PTPRD: variants seen among roughly 807,000 people sequenced by gnomAD.
PTPRD encodes protein tyrosine phosphatase receptor type D, also known as receptor-type tyrosine-protein phosphatase delta.
PTPRD carries 34 observed loss-of-function variants against 214.5 expected under a neutral mutation model. That is an observed-to-expected ratio of 0.16 (90% CI 0.12 to 0.21). The LOEUF (loss-of-function observed/expected upper bound fraction) is 0.21, where lower values mean the gene tolerates loss of function less well. PTPRD is among the 10% of genes least tolerant of loss of function. PTPRD has a pLI of 1.00. For synonymous variants in PTPRD, 1,128 were observed against 845.7 expected, an observed-to-expected ratio of 1.33 and a Z score of -5.79; for missense variants, 2,545 against 2,398.7, an observed-to-expected ratio of 1.06 and a Z score of -1.27.
chr9:9,849,213 G>A (rs1209979693), intron 5 of PTPRD, among the ~76,000 whole-genome samples: 3 of 151,992 alleles, frequency 2.0e-5, no homozygotes, highest in East Asian at 1.9e-4. Flanking sequence ...ATGAATTCCA[G>A]CAGATCCCAA....
At chr9:10,468,197 C>T (rs1007995111) in intron 2 of PTPRD, among the ~76,000 whole-genome samples, 3 of 152,270 alleles carry the variant, frequency 2.0e-5, no homozygotes, top group African/African-American at 7.2e-5. Context: ...AAGACACATG[C>T]ACATATATGT....
At chr9:8,322,587 A>G (rs751776893) in intron 44 of PTPRD, among the ~76,000 whole-genome samples, 1 of 152,196 alleles carries the variant, frequency 6.6e-6, no homozygotes, top group Non-Finnish European at 1.5e-5. Context: ...GAAAAGTTTG[A>G]AGTTAGCACA....
chr9:9,561,450 C>A (rs959751811), intron 8 of PTPRD, among the ~76,000 whole-genome samples: 1 of 152,182 alleles, frequency 6.6e-6, no homozygotes, highest in Non-Finnish European at 1.5e-5. Flanking sequence ...TAAATCCATT[C>A]AAATATTTTA....
At chr9:9,144,933 C>A (rs2154483821) in intron 10 of PTPRD, among the ~76,000 whole-genome samples, 1 of 152,228 alleles carries the variant, frequency 6.6e-6, no homozygotes, top group Middle Eastern at 3.4e-3. Context: ...AACTGCATCA[C>A]CTCACCACTT....
At chr9:8,857,296 C>G (rs909888085) in intron 11 of PTPRD, among the ~76,000 whole-genome samples, 2 of 152,172 alleles carry the variant, frequency 1.3e-5, no homozygotes, top group Non-Finnish European at 2.9e-5. Flanking sequence ...GTGGATTGCC[C>G]CACCGCTCCA....
chr9:8,492,694 C>A (rs1396011304), intron 27 of PTPRD, among the ~76,000 whole-genome samples, 168 bp downstream of exon 27: 8 of 136,842 alleles, frequency 5.8e-5, no homozygotes, highest in Non-Finnish European at 9.3e-5. Flanking sequence ...CTATTTTTTT[C>A]CCTGATCTAT....
chr9:9,665,414 A>T (rs780089677), intron 7 of PTPRD, among the ~76,000 whole-genome samples: 10 of 151,838 alleles, frequency 6.6e-5, no homozygotes, highest in Non-Finnish European at 1.5e-4. Flanking sequence ...TTAATATCAA[A>T]ACTTATAAAT....
At chr9:10,431,901 A>G (rs1035834731) in intron 2 of PTPRD, among the ~76,000 whole-genome samples, 1 of 152,112 alleles carries the variant, frequency 6.6e-6, no homozygotes, top group Non-Finnish European at 1.5e-5. Context: ...ATCTAGAGCT[A>G]GAAATACCAT....
intron 9 of PTPRD, among the ~76,000 whole-genome samples, chr9:9,367,024 C>A (rs562119350): frequency 2.0e-5 from 3 of 150,734 alleles, no homozygotes; most frequent in Non-Finnish European, 3.0e-5. Context: ...TATTGTAATA[C>A]ATTGAAAAAT....
chr9:10,319,024 C>T (rs1190988739), intron 3 of PTPRD, among the ~76,000 whole-genome samples: 1 of 152,042 alleles, frequency 6.6e-6, no homozygotes, highest in African/African-American at 2.4e-5. Context: ...CCTCTTTCTC[C>T]CCTTCCATCT....
intron 9 of PTPRD, among the ~76,000 whole-genome samples, chr9:9,251,063 C>T (rs1413902166): frequency 2.0e-5 from 3 of 151,972 alleles, no homozygotes; most frequent in Admixed American, 6.6e-5. Flanking sequence ...CTATTTCATT[C>T]TTTATACCAC....
intron 5 of PTPRD, among the ~76,000 whole-genome samples, chr9:9,935,354 T>G (rs1169928092): frequency 6.6e-6 from 1 of 152,178 alleles, no homozygotes; most frequent in Admixed American, 6.6e-5. Flanking sequence ...AAAATCTCCT[T>G]AAGCTGATAA....
chr9:9,682,608 C>T (rs1330165136), intron 7 of PTPRD, among the ~76,000 whole-genome samples: 4 of 151,698 alleles, frequency 2.6e-5, no homozygotes, highest in Admixed American at 1.3e-4. Context: ...AGCTTGGGAG[C>T]TAAGCCTTGG....
At chr9:8,691,951 T>C (rs2097814611) in intron 12 of PTPRD, among the ~76,000 whole-genome samples, 1 of 152,164 alleles carries the variant, frequency 6.6e-6, no homozygotes, top group Non-Finnish European at 1.5e-5. Flanking sequence ...TACCTCCTAT[T>C]TCTATCATTC....
chr9:9,327,011 A>G (rs912851732), intron 9 of PTPRD, among the ~76,000 whole-genome samples: 2 of 152,140 alleles, frequency 1.3e-5, no homozygotes, highest in African/African-American at 4.8e-5. Flanking sequence ...AGCTAAAGGG[A>G]CAAAGTAAAA....
chr9:10,260,337 C>A (rs2093611309), intron 3 of PTPRD, among the ~76,000 whole-genome samples: 1 of 152,124 alleles, frequency 6.6e-6, no homozygotes, highest in African/African-American at 2.4e-5. Context: ...ACAGTCTTGT[C>A]CTAATTATAT....
chr9:10,512,851 T>A (rs1334460739), intron 2 of PTPRD, among the ~76,000 whole-genome samples: 1 of 152,044 alleles, frequency 6.6e-6, no homozygotes, highest in Admixed American at 6.6e-5. Context: ...ATATTTGATC[T>A]TTTTATTGCA....
intron 8 of PTPRD, among the ~76,000 whole-genome samples, chr9:9,509,666 A>G (rs956815663): frequency 2.0e-5 from 3 of 151,666 alleles, no homozygotes; most frequent in Non-Finnish European, 3.0e-5. Flanking sequence ...CAGCATGAGA[A>G]TAAAGCCGTA....
At chr9:9,041,540 T>C (rs575569991) in intron 10 of PTPRD, among the ~76,000 whole-genome samples, 99 of 152,346 alleles carry the variant, frequency 6.5e-4, no homozygotes, top group Middle Eastern at 3.4e-3. Context: ...TCAAAGGATA[T>C]GATCTCATTC....
Sources: gnomAD v4.1 joint callset for allele counts (sites outside exome capture counted in the v4.1 genomes callset) on GRCh38, gnomAD v4.1.1 for gene constraint, MANE v1.5 for transcripts, NCBI Gene and HGNC (gene_info 2026-07-23, HGNC 2026-07-21) for gene names.